SHH: variants seen among roughly 807,000 people sequenced by gnomAD.
SHH encodes the protein sonic hedgehog protein.
SHH carries 3 observed loss-of-function variants against 16.6 expected under a neutral mutation model. The ratio of observed to expected loss-of-function variants is 0.18; its 90% confidence interval spans 0.08 to 0.47. SHH has a LOEUF of 0.47. Ranked by LOEUF, SHH falls within the 20% of genes least tolerant of loss-of-function variation. The probability of loss-of-function intolerance (pLI) is 0.98; values close to 1 mark genes in which losing one functional copy is unlikely to be tolerated. For synonymous variants in SHH, 351 were observed against 316.2 expected (o/e 1.11, Z -1.17); for missense variants, 499 against 665.0 (o/e 0.75, Z 2.75).
intron 1 of SHH, among the ~76,000 whole-genome samples, chr7:155,811,535 G>C (rs1378238718): frequency 6.6e-6 from 1 of 152,178 alleles, no homozygotes; most frequent in Non-Finnish European, 1.5e-5. Flanking sequence ...GCAGAGGTAG[G>C]ATGGGGAAGG....
chr7:155,806,280 G>A lies in SHH; in HGVS notation c.562+16C>T, dbSNP rs552346452. 3 of 1,612,898 alleles carry A rather than the reference G, an allele frequency of 1.9e-6. No homozygotes were observed. Among genetic ancestry groups the A allele is most frequent in the Admixed American group, 1.7e-5 (1 of 60,012 alleles). On this transcript the variant is annotated intron_variant, in intron 2 of 2. Coordinates refer to ENST00000297261, the MANE Select transcript of SHH (RefSeq NM_000193.4). The stretch of plus-strand genomic sequence containing the variant: ...GCCTTCCTTGGGTCGGATCCGGGGG[G>A]CCAGGGCCAGCTTACCTGCTTTCAC...
rs1014474248 is a variant in SHH, at chr7:155,809,955, C to T, written c.300+1868G>A. On this transcript the variant is annotated intron_variant, in intron 1 of 2. Coordinates refer to ENST00000297261, the MANE Select transcript of SHH (RefSeq NM_000193.4). The surrounding 1 kb of genome is among the most constrained non-coding windows in gnomAD (Gnocchi z 6.1). ...GGCCGGCGGAGCCCGCGATGCGCCC[C>T]GGCCCCTGCGCGGGCGCCCCCATCT... 1.1e-3 allele frequency among the ~76,000 whole-genome samples: 162 copies of T among 151,772 alleles called. 2 individuals carry two copies. The highest frequency in any genetic ancestry group is 3.7e-3 in the African/African-American group (155 of 41,486).
At position 155,803,662 on chromosome 7, in the gene SHH, C is replaced by G. The variant is rs754810872; in HGVS notation, c.627G>C (p.Gln209His). 5.0e-6 allele frequency: 8 copies of G among 1,597,944 alleles called. No homozygotes were observed. The highest frequency in any genetic ancestry group is 3.4e-4 in the Middle Eastern group (2 of 5,856). The stretch of plus-strand genomic sequence containing the variant: ...GGTCCTTCACCAGCTTGGTGCCGCC[C>G]TGCTCCAGGTGCACCGTGGCCGAGC... ...FPGSATVHLEQGGTKLVKDLS... is the reference protein window; with the variant it reads ...FPGSATVHLEHGGTKLVKDLS... The change falls in exon 3 of 3, where the codon CAG becomes CAC. Residue 209 changes from glutamine (Q) to histidine (H), a missense_variant. By Grantham distance (24) the Gln-to-His change is conservative. Transcript: ENST00000297261.
intron 1 of SHH, among the ~76,000 whole-genome samples, chr7:155,808,603 T>C (rs1803427971): frequency 6.6e-6 from 1 of 152,116 alleles, no homozygotes; most frequent in Admixed American, 6.5e-5. Flanking sequence ...CGGCCCGGGC[T>C]CCGCGCGGCC....
chr7:155,804,784 C>T (rs1236175627), intron 2 of SHH, among the ~76,000 whole-genome samples: 2 of 141,670 alleles, frequency 1.4e-5, no homozygotes, highest in African/African-American at 5.0e-5. Context: ...CGCAGGGGGC[C>T]GGGGAGGAGG....
At chr7:155,808,663 A>T (rs1803430629) in intron 1 of SHH, among the ~76,000 whole-genome samples, 1 of 152,150 alleles carries the variant, frequency 6.6e-6, no homozygotes, top group Non-Finnish European at 1.5e-5. Flanking sequence ...TGTCGCAGGC[A>T]AAGCCGGGAA....
chr7:155,800,820 TGG>T lies in SHH; in HGVS notation c.*2078_*2079del, dbSNP rs1803164140. On this transcript the variant is annotated 3_prime_UTR_variant, in exon 3 of 3. Transcript: ENST00000297261. ...CGTAGCAGAGCAGACCCTCAGGGAC[TGG>T]GCCCAACCTCGGGAGCCAGCCCCTG... 2.8e-6 allele frequency: 1 copy of T among 352,838 alleles called. No homozygotes were observed. The highest frequency in any genetic ancestry group is 5.6e-6 in the Non-Finnish European group (1 of 177,878). The allele number at this position is 352,838 out of a possible 1,614,324, so 21.9% of individuals were successfully genotyped here. A position where few individuals can be genotyped will look rare whatever the true frequency, so the allele number is the denominator to read the frequency against.
At position 155,802,915 on chromosome 7, in the gene SHH, C is replaced by G. The variant is rs895483159; in HGVS notation, c.1374G>C (p.Ala458=). 6.7e-7 allele frequency: 1 copy of G among 1,485,722 alleles called. No individual in the cohort carries two copies. The highest frequency in any genetic ancestry group is 1.4e-5 in the African/African-American group (1 of 70,050). The allele number at this position is 1,485,722 out of a possible 1,614,324, so 92.0% of individuals were successfully genotyped here. A position where few individuals can be genotyped will look rare whatever the true frequency, so the allele number is the denominator to read the frequency against. The part of the protein sequence containing the change: ...DSEALHPLGM[A]VKSS ...CCCCCCGGCTTCAGCTGGACTTGAC[C>G]GCCATGCCCAGCGGGTGCAGGGCCT... The change falls in exon 3 of 3, where the codon GCG becomes GCC. Residue 458 remains alanine (A), a synonymous_variant. Coordinates refer to ENST00000297261, the MANE Select transcript of SHH (RefSeq NM_000193.4).
intron 1 of SHH, 122 bp downstream of exon 1, chr7:155,811,701 G>T: frequency 4.1e-6 from 4 of 970,392 alleles, no homozygotes; most frequent in Non-Finnish European, 6.7e-6. Context: ...GGGTGGGGAA[G>T]GAGCGGGTGA....
At chr7:155,805,896 G>T (rs1161386355) in intron 2 of SHH, among the ~76,000 whole-genome samples, 1 of 152,218 alleles carries the variant, frequency 6.6e-6, no homozygotes, top group East Asian at 1.9e-4. Flanking sequence ...TTGGGATAGC[G>T]GGTGGGGGCG....
chr7:155,803,766 T>C, intron 2 of SHH, 40 bp from the exon 3 acceptor site: 1 of 1,541,918 alleles, frequency 6.5e-7, no homozygotes, highest in Non-Finnish European at 8.8e-7. Flanking sequence ...GGACAGGGCA[T>C]TGAGTTCCGA....
intron 1 of SHH, chr7:155,806,986 C>T (rs1480404791): frequency 3.1e-5 from 9 of 288,596 alleles, no homozygotes; most frequent in Non-Finnish European, 6.1e-5. Flanking sequence ...GCCCCTTTCT[C>T]CACCTGCGCA....
rs1803225768 is a variant in SHH at position 155,802,882 on chromosome 7, T to TCCCCCGGC, written c.*10_*17dup. The TCCCCCGGC allele has an allele frequency of 1.1e-5, 3 of 268,050 alleles. No homozygotes were observed. The highest frequency in any genetic ancestry group is 1.5e-5 in the Non-Finnish European group (3 of 200,182). The allele number at this position is 268,050 out of a possible 1,614,324, so 16.6% of individuals were successfully genotyped here. ...CCCGCCCCGCCCCCTCCCGCGCCCC[T>TCCCCCGGC]CCCCCGGCCCCCCGGCTTCAGCTGG... is the stretch of plus-strand genomic sequence containing the variant. On this transcript the variant is annotated 3_prime_UTR_variant, in exon 3 of 3. Coordinates refer to ENST00000297261, the MANE Select transcript of SHH (RefSeq NM_000193.4).
At chr7:155,805,110 G>C (rs908996826) in intron 2 of SHH, among the ~76,000 whole-genome samples, 2 of 151,784 alleles carry the variant, frequency 1.3e-5, no homozygotes, top group Middle Eastern at 3.3e-3. Context: ...GCGCGATCCG[G>C]GGGATGGATT....
intron 2 of SHH, among the ~76,000 whole-genome samples, chr7:155,805,166 G>T (rs1372772231): frequency 6.6e-6 from 1 of 151,354 alleles, no homozygotes; most frequent in African/African-American, 2.4e-5. Context: ...CCCGCTAGGG[G>T]GACCCCGCGG....
At chr7:155,806,722 GC>G (rs1358183536) in intron 1 of SHH, 165 bp from the exon 2 acceptor site, 1 of 841,084 alleles carries the variant, frequency 1.2e-6, no homozygotes, top group Non-Finnish European at 2.0e-6. Flanking sequence ...GAAGAGCCGG[GC>G]CCTGGGCTGG....
In SHH at chr7:155,802,769, C is replaced by G. The variant is rs887607663; in HGVS notation, c.*131G>C. ...TCCTTAGAGTCTACTTTGGACTGTC[C>G]TACTTTATTATTCTTATTCTTATTA... On this transcript the variant is annotated 3_prime_UTR_variant, in exon 3 of 3. Coordinates refer to ENST00000297261, the MANE Select transcript of SHH (RefSeq NM_000193.4). 3 of 514,126 alleles carry G rather than the reference C, an allele frequency of 5.8e-6. No homozygotes were observed. The highest frequency in any genetic ancestry group is 4.2e-5 in the African/African-American group (2 of 47,368). 31.8% of individuals were successfully genotyped at this position (514,126 alleles called of 1,614,324 possible).
chr7:155,800,539 A>T lies in SHH; in HGVS notation c.*2361T>A, dbSNP rs1365549330. ...TTGCCAGGTCTGTCTACACAGCCAGAGGAGCTGCTGTGCCCGGTGCTTCTG... is the reference window on the plus strand; with the variant it reads ...TTGCCAGGTCTGTCTACACAGCCAGTGGAGCTGCTGTGCCCGGTGCTTCTG... On this transcript the variant is annotated 3_prime_UTR_variant, in exon 3 of 3. Coordinates refer to ENST00000297261, the MANE Select transcript of SHH (RefSeq NM_000193.4). 1 of 470,822 alleles carries T rather than the reference A, an allele frequency of 2.1e-6. No individual in the cohort carries two copies. The highest frequency in any genetic ancestry group is 2.0e-5 in the African/African-American group (1 of 50,226). 29.2% of individuals were successfully genotyped at this position (470,822 alleles called of 1,614,324 possible).
At position 155,800,802 on chromosome 7, in the gene SHH, G is replaced by T; in HGVS notation, c.*2098C>A. 2.7e-6 allele frequency: 1 copy of T among 366,216 alleles called. No individual in the cohort carries two copies. The highest frequency in any genetic ancestry group is 2.1e-5 in the South Asian group (1 of 48,706). The allele number at this position is 366,216 out of a possible 1,614,324, so 22.7% of individuals were successfully genotyped here. A position where few individuals can be genotyped will look rare whatever the true frequency, so the allele number is the denominator to read the frequency against. ...GCCACTCAAGGGCAGACCCGTAGCA[G>T]AGCAGACCCTCAGGGACTGGGCCCA... On this transcript the variant is annotated 3_prime_UTR_variant, in exon 3 of 3. Transcript: ENST00000297261.
Sources: allele counts gnomAD v4.1 joint callset (sites outside exome capture counted in the v4.1 genomes callset), GRCh38; gene constraint gnomAD v4.1.1; non-coding constraint Gnocchi (gnomAD v3.1); transcripts MANE v1.5; gene names NCBI Gene and HGNC (gene_info 2026-07-23, HGNC 2026-07-21).